The following PTCH1 variants were observed in gnomAD, a reference collection of about 807,000 sequenced individuals.
The protein encoded by PTCH1 is protein patched homolog 1.
Under a neutral mutation model 144.6 loss-of-function variants are expected in PTCH1, and 14 were observed. The observed-to-expected ratio is 0.10, with a 90% CI of 0.06 to 0.15. The LOEUF (loss-of-function observed/expected upper bound fraction) is 0.15. PTCH1 is among the 10% of genes least tolerant of loss of function. PTCH1 has a pLI of 1.00. For missense variants in PTCH1, 1,623 were observed against 1,948.3 expected (o/e 0.83, Z 3.14); for synonymous variants, 833 against 793.6 (o/e 1.05, Z -0.83).
intron 3 of PTCH1, chr9:95,483,379 G>T (rs1841712094): frequency 1.4e-5 from 2 of 144,114 alleles, no homozygotes; most frequent in Admixed American, 6.9e-5. Context: ...AGAAAATCTG[G>T]AAGAGTGGGG....
At chr9:95,462,931 C>T (rs1328323743) in intron 15 of PTCH1, among the ~76,000 whole-genome samples, 2 of 152,178 alleles carry the variant, frequency 1.3e-5, no homozygotes, top group African/African-American at 4.8e-5. Context: ...AAACAGGGCC[C>T]CGGTGACCCG....
chr9:95,480,631 T>C (rs1444006301), intron 5 of PTCH1, 43 bp from the exon 6 acceptor site: 1 of 1,579,530 alleles, frequency 6.3e-7, no homozygotes, highest in Non-Finnish European at 8.7e-7. Context: ...AAGAGCCTTC[T>C]AAACGCATCG....
At chr9:95,516,501 G>C in exon 1 of PTCH1, 1 of 1,536,268 alleles carries the variant, frequency 6.5e-7, no homozygotes, top group Non-Finnish European at 8.7e-7. Context: ...CTCGGAGCGC[G>C]GGTGCCGATG....
At chr9:95,470,032 C>T (rs1328155744) in intron 12 of PTCH1, 101 bp from the exon 13 acceptor site, 3 of 920,546 alleles carry the variant, frequency 3.3e-6, no homozygotes, top group East Asian at 4.9e-5. Context: ...TTTTCTTTCC[C>T]TTTCCTCTTG....
intron 6 of PTCH1, 47 bp downstream of exon 6, chr9:95,480,343 G>A (rs1306619327): frequency 6.3e-7 from 1 of 1,595,912 alleles, no homozygotes; most frequent in Non-Finnish European, 8.6e-7. Flanking sequence ...ACACAAAAAA[G>A]TGTTTTGCTC....
intron 1 of PTCH1, chr9:95,507,128 G>C (rs530500308): frequency 5.1e-4 from 496 of 975,018 alleles, no homozygotes; most frequent in Non-Finnish European, 5.7e-4. Flanking sequence ...GGATCCACGT[G>C]GTGAGCGCGG....
At position 95,449,982 on chromosome 9, in the gene PTCH1, G is replaced by A. The variant is rs372140008; in HGVS notation, c.3450-42C>T. On this transcript the variant is annotated intron_variant, in intron 20 of 23. Coordinates refer to ENST00000331920, the MANE Select transcript of PTCH1 (RefSeq NM_000264.5). The surrounding 1 kb of genome is among the most constrained non-coding windows in gnomAD (Gnocchi z 5.3). ...AAACGGGAACACGCGCTGTGACAGG[G>A]TGGATCGCGCCACCCTCCGTGTGCC... The A allele has an allele frequency of 1.9e-6, 3 of 1,566,136 alleles. No homozygotes were observed. Among genetic ancestry groups the A allele is most frequent in the Non-Finnish European group, 2.6e-6 (3 of 1,138,378 alleles).
In PTCH1 at chr9:95,443,297, AAAAAG is replaced by A. The variant is rs1321635523; in HGVS notation, c.*3091_*3095del. 7 of 152,328 alleles carry A rather than the reference AAAAAG, an allele frequency of 4.6e-5. 1 individual carries two copies. In the East Asian group the frequency reaches 1.3e-3, roughly 29 times the overall value. The allele number at this position is 152,328 out of a possible 1,614,324, so 9.4% of individuals were successfully genotyped here. A position where few individuals can be genotyped will look rare whatever the true frequency, so the allele number is the denominator to read the frequency against. ...AAAACTCTCTCCATCAGATAGAGCA[AAAAAG>A]AAGAGTGTCACAAGGTCAGCAAGAT... On this transcript the variant is annotated 3_prime_UTR_variant, in exon 24 of 24. Transcript: ENST00000331920.
intron 2 of PTCH1, among the ~76,000 whole-genome samples, chr9:95,504,704 C>T (rs1214413059): frequency 1.3e-5 from 2 of 152,166 alleles, no homozygotes; most frequent in Non-Finnish European, 1.5e-5. Flanking sequence ...GCTGGTGTCC[C>T]GCCCATGCCT....
rs141265422 is a variant in PTCH1 at position 95,481,967 on chromosome 9, G to A, written c.728C>T (p.Ser243Phe). The A allele has an allele frequency of 6.2e-6, 10 of 1,612,602 alleles. No individual in the cohort carries two copies. The highest frequency in any genetic ancestry group is 1.1e-5 in the South Asian group (1 of 91,054). Residue 243 changes from serine to phenylalanine, a missense_variant, in exon 5 of 24, where the codon TCT becomes TTT. By Grantham distance (155) the Ser-to-Phe change is radical. Around this residue, in one of 7 missense-constraint regions of PTCH1, gnomAD observed 230 missense variants for 271.0 expected, o/e 0.85. Transcript: ENST00000331920. Reference sequence around the variant, plus strand: ...CACTTACAGGAGGTATGCTGTCCCAGACTGTAATTTCGCCCCTTCCCAGAA... The same window carrying A: ...CACTTACAGGAGGTATGCTGTCCCAAACTGTAATTTCGCCCCTTCCCAGAA... ...DCFWEGAKLQ[S>F]GTAYLLGKPP...
At chr9:95,506,934 C>A (rs1843711226) in intron 1 of PTCH1, 2 of 1,048,628 alleles carry the variant, frequency 1.9e-6, no homozygotes, top group South Asian at 8.9e-5. Flanking sequence ...AGACAATATT[C>A]ACCCCAGAGC....
chr9:95,512,940 A>G (rs1243307112), upstream of PTCH1, among the ~76,000 whole-genome samples: 1 of 152,186 alleles, frequency 6.6e-6, no homozygotes, highest in African/African-American at 2.4e-5. Flanking sequence ...TCAATGCATA[A>G]ATTGTCATTT....
intron 15 of PTCH1, among the ~76,000 whole-genome samples, chr9:95,465,139 G>C (rs1417676945): frequency 6.6e-6 from 1 of 151,852 alleles, no homozygotes; most frequent in African/African-American, 2.4e-5. Context: ...GAAACGTATA[G>C]AGATGATCTA....
intron 20 of PTCH1, chr9:95,450,973 G>A (rs1838402629): frequency 6.6e-6 from 1 of 151,782 alleles, no homozygotes; most frequent in African/African-American, 2.4e-5. Flanking sequence ...AAGTGGGCTG[G>A]GGTAGGGGAG....
chr9:95,472,898 G>C (rs1469258721), intron 12 of PTCH1, among the ~76,000 whole-genome samples: 4 of 152,226 alleles, frequency 2.6e-5, no homozygotes, highest in African/African-American at 9.6e-5. Flanking sequence ...GCAAGAGAGT[G>C]TAAGTAAACC....
chr9:95,511,130 T>C (rs1205998482), upstream of PTCH1, among the ~76,000 whole-genome samples: 2 of 149,632 alleles, frequency 1.3e-5, no homozygotes, highest in Admixed American at 1.3e-4. Context: ...GGCCCCGCGC[T>C]GGCTGCCCGG....
rs746631205 is a variant in PTCH1, at chr9:95,480,618, GAA to G, written c.747-32_747-31del. On this transcript the variant is annotated intron_variant, in intron 5 of 23. Coordinates refer to ENST00000331920, the MANE Select transcript of PTCH1 (RefSeq NM_000264.5). ...AAAAGAAATTAGGAGACGAGACCAT[GAA>G]AAGAGCCTTCTAAACGCATCGTAAA... The G allele has an allele frequency of 1.5e-5, 24 of 1,594,782 alleles. No individual in the cohort carries two copies. In the South Asian group the frequency reaches 2.6e-4, roughly 18 times the overall value.
At chr9:95,459,503 C>T in intron 17 of PTCH1, 97 bp downstream of exon 17, 1 of 1,437,370 alleles carries the variant, frequency 7.0e-7, no homozygotes, top group Non-Finnish European at 9.8e-7. Context: ...CTTCTGAACC[C>T]TGGGTAGCGT....
At chr9:95,479,887 C>T (rs1841388006) in intron 7 of PTCH1, 82 bp downstream of exon 7, 2 of 1,598,960 alleles carry the variant, frequency 1.3e-6, no homozygotes, top group Admixed American at 1.7e-5. Context: ...TACAAATACA[C>T]TTGCCGATGT....
Sources: allele counts gnomAD v4.1 joint callset (sites outside exome capture counted in the v4.1 genomes callset), GRCh38; gene constraint gnomAD v4.1.1; regional missense constraint gnomAD v4.1.1; non-coding constraint Gnocchi (gnomAD v3.1); transcripts MANE v1.5; gene names NCBI Gene and HGNC (gene_info 2026-07-23, HGNC 2026-07-21).